Variants in SPAG16 observed in about 807,000 individuals in gnomAD.
SPAG16 encodes the protein sperm associated antigen 16.
Under a neutral mutation model 80.4 loss-of-function variants are expected in SPAG16, and 86 were observed. That is an observed-to-expected ratio of 1.07 (90% CI 0.90 to 1.28). The LOEUF is 1.28. Ranked by LOEUF, SPAG16 falls within the 50% of genes most tolerant of loss-of-function variation. The probability of loss-of-function intolerance (pLI) is 0.00; values close to 1 mark genes in which losing one functional copy is unlikely to be tolerated. For synonymous variants in SPAG16, 294 were observed against 265.9 expected, an observed-to-expected ratio of 1.11 and a Z score of -1.03; for missense variants, 870 against 765.3, an observed-to-expected ratio of 1.14 and a Z score of -1.61.
At chr2:214,082,166 C>T (rs1031950936) in intron 13 of SPAG16, among the ~76,000 whole-genome samples, 5 of 152,098 alleles carry the variant, frequency 3.3e-5, no homozygotes, top group Admixed American at 1.3e-4. Flanking sequence ...GGAAAACGTT[C>T]CACTTGCCCT....
intron 12 of SPAG16, among the ~76,000 whole-genome samples, chr2:213,943,771 T>C (rs1464678886): frequency 1.3e-5 from 2 of 152,172 alleles, no homozygotes; most frequent in Non-Finnish European, 2.9e-5. Context: ...CCTATCCATG[T>C]TGCAGGGGAA....
At chr2:214,035,015 G>C (rs2048614440) in intron 13 of SPAG16, among the ~76,000 whole-genome samples, 1 of 152,150 alleles carries the variant, frequency 6.6e-6, no homozygotes, top group African/African-American at 2.4e-5. Flanking sequence ...AGGTGAAAAG[G>C]AGCTTTATTG....
At chr2:214,089,015 C>T (rs1351081406) in intron 13 of SPAG16, among the ~76,000 whole-genome samples, 1 of 152,036 alleles carries the variant, frequency 6.6e-6, no homozygotes, top group Non-Finnish European at 1.5e-5. Context: ...CAGAATCAAG[C>T]ATATTAAAGA....
At chr2:213,523,968 A>G (rs934033751) in intron 10 of SPAG16, among the ~76,000 whole-genome samples, 7 of 152,184 alleles carry the variant, frequency 4.6e-5, no homozygotes, top group African/African-American at 1.7e-4. Flanking sequence ...GTAGCAAGAG[A>G]CTGAATGTTA....
chr2:214,235,096 ATAAGT>A (rs563817607), intron 15 of SPAG16, among the ~76,000 whole-genome samples: 142 of 152,206 alleles, frequency 9.3e-4, no homozygotes, highest in Non-Finnish European at 1.8e-3. Flanking sequence ...TGATGGATTA[ATAAGT>A]TAATGTATAC....
intron 12 of SPAG16, among the ~76,000 whole-genome samples, chr2:213,965,166 T>C (rs965176798): frequency 2.0e-5 from 3 of 152,206 alleles, no homozygotes; most frequent in African/African-American, 4.8e-5. Context: ...CTGAAGTCAC[T>C]GAGCAGACAA....
At chr2:214,316,003 C>A (rs1695668851) in intron 15 of SPAG16, among the ~76,000 whole-genome samples, 1 of 152,088 alleles carries the variant, frequency 6.6e-6, no homozygotes, top group Non-Finnish European at 1.5e-5. Flanking sequence ...CATTGATCTG[C>A]CCTAGCTTCT....
chr2:214,118,031 G>T (rs545592251), intron 14 of SPAG16, among the ~76,000 whole-genome samples: 1 of 152,076 alleles, frequency 6.6e-6, no homozygotes, highest in Non-Finnish European at 1.5e-5. Context: ...GAAATAACGC[G>T]CATCCAAATT....
At chr2:213,416,503 A>G (rs2069261281) in intron 9 of SPAG16, among the ~76,000 whole-genome samples, 1 of 152,016 alleles carries the variant, frequency 6.6e-6, no homozygotes, top group Non-Finnish European at 1.5e-5. Context: ...TGAATACAGC[A>G]TGCTATATAA....
At chr2:214,048,096 A>G (rs183513338) in intron 13 of SPAG16, among the ~76,000 whole-genome samples, 118 of 152,260 alleles carry the variant, frequency 7.7e-4, no homozygotes, top group African/African-American at 2.6e-3. Context: ...GTTGGTGGTA[A>G]TGTAAATTAA....
intron 10 of SPAG16, among the ~76,000 whole-genome samples, chr2:213,491,897 A>T (rs940492329): frequency 1.3e-5 from 2 of 152,244 alleles, no homozygotes; most frequent in Non-Finnish European, 2.9e-5. Context: ...AGGCTGTCAC[A>T]TTATTAGTTT....
chr2:213,757,914 T>G (rs2068431809), intron 10 of SPAG16, among the ~76,000 whole-genome samples: 1 of 152,072 alleles, frequency 6.6e-6, no homozygotes, highest in Non-Finnish European at 1.5e-5. Context: ...AGCCCCTCCC[T>G]GCTGGCTGAA....
intron 10 of SPAG16, among the ~76,000 whole-genome samples, chr2:213,686,796 G>A (rs2064703144): frequency 7.0e-6 from 1 of 143,306 alleles, no homozygotes; most frequent in Non-Finnish European, 1.5e-5. Context: ...AAGCGATTCT[G>A]CCTCAGCCTC....
At chr2:213,782,207 G>A in intron 10 of SPAG16, among the ~76,000 whole-genome samples, 1 of 151,092 alleles carries the variant, frequency 6.6e-6, no homozygotes. Context: ...AATAAAAAAA[G>A]GAAGGAAAGA....
intron 15 of SPAG16, among the ~76,000 whole-genome samples, chr2:214,398,371 A>G (rs545059716): frequency 1.6e-4 from 24 of 152,330 alleles, no homozygotes; most frequent in African/African-American, 5.8e-4. Flanking sequence ...TATTCAGACA[A>G]GTCACACTCC....
At chr2:213,922,003 G>T (rs1300335938) in intron 11 of SPAG16, among the ~76,000 whole-genome samples, 1 of 152,090 alleles carries the variant, frequency 6.6e-6, no homozygotes, top group African/African-American at 2.4e-5. Flanking sequence ...ATGTGTCTTG[G>T]AGATGGTCTT....
intron 15 of SPAG16, among the ~76,000 whole-genome samples, chr2:214,404,870 G>A (rs533425058): frequency 2.7e-4 from 41 of 152,112 alleles, no homozygotes; most frequent in Non-Finnish European, 4.9e-4. Flanking sequence ...TTTAGTTATC[G>A]GGTACAATTT....
At chr2:213,440,429 C>T (rs1205640356) in intron 9 of SPAG16, among the ~76,000 whole-genome samples, 2 of 152,026 alleles carry the variant, frequency 1.3e-5, no homozygotes, top group Non-Finnish European at 2.9e-5. Flanking sequence ...GCGGCGGGCG[C>T]CTGTAGTCCC....
At chr2:214,208,551 G>A (rs1250112856) in intron 15 of SPAG16, among the ~76,000 whole-genome samples, 1 of 152,122 alleles carries the variant, frequency 6.6e-6, no homozygotes, top group Non-Finnish European at 1.5e-5. Flanking sequence ...ATCAGTCATA[G>A]TATAATAGTA....
Sources: allele counts gnomAD v4.1 joint callset (sites outside exome capture counted in the v4.1 genomes callset), GRCh38; gene constraint gnomAD v4.1.1; transcripts MANE v1.5; gene names NCBI Gene and HGNC (gene_info 2026-07-23, HGNC 2026-07-21).